CDK5RAP3: variants seen among roughly 807,000 people sequenced by gnomAD.
The protein encoded by CDK5RAP3 is CDK5 regulatory subunit associated protein 3, also known as CDK5 regulatory subunit-associated protein 3.
Under a neutral mutation model 73.3 loss-of-function variants are expected in CDK5RAP3, and 58 were observed. The observed-to-expected ratio is 0.79, with a 90% CI of 0.64 to 0.98. The LOEUF (loss-of-function observed/expected upper bound fraction) is 0.98, where lower values mean the gene tolerates loss of function less well. Ranked by LOEUF, CDK5RAP3 falls within the 50% of genes least tolerant of loss-of-function variation. The pLI, the probability that CDK5RAP3 is intolerant of heterozygous loss-of-function variation, is 0.00. For missense variants in CDK5RAP3, 525 were observed against 615.8 expected (o/e 0.85, Z 1.56); for synonymous variants, 224 against 247.5 (o/e 0.91, Z 0.89).
At position 47,977,911 on chromosome 17, in the gene CDK5RAP3, G is replaced by T; in HGVS notation, c.988+1G>T. The T allele has an allele frequency of 6.2e-7, 1 of 1,613,848 alleles. No homozygotes were observed. On this transcript the variant is annotated splice_donor_variant, in intron 10 of 13. Transcript: ENST00000338399. LOFTEE classifies it high-confidence loss of function. ...ACAGTGCTGGAAGCAGGAACCCAGG[G>T]TAAGTGCACCATCCCCTGCAGCCCT...
chr17:47,971,488 T>G, intron 2 of CDK5RAP3, 81 bp downstream of exon 2: 2 of 1,375,320 alleles, frequency 1.5e-6, no homozygotes, highest in Non-Finnish European at 2.0e-6. Context: ...CCGGGAGCTC[T>G]GACCCCTGAA....
chr17:47,968,814 C>G (rs866760339), upstream of CDK5RAP3, among the ~76,000 whole-genome samples: 13 of 152,196 alleles, frequency 8.5e-5, no homozygotes, highest in Middle Eastern at 3.4e-3. Flanking sequence ...CCGTGCCCAG[C>G]GTGTTTTTTG....
At chr17:47,975,699 TC>T in intron 7 of CDK5RAP3, 46 bp downstream of exon 7, 1 of 1,571,992 alleles carries the variant, frequency 6.4e-7, no homozygotes, top group Non-Finnish European at 8.6e-7. Flanking sequence ...TTGCCTGTGT[TC>T]CCCAGCTCAT....
chr17:47,979,986 A>G (rs1055191468), intron 11 of CDK5RAP3: 2 of 152,866 alleles, frequency 1.3e-5, no homozygotes, highest in African/African-American at 4.8e-5. Flanking sequence ...CATTCCTCCC[A>G]TGGAGACAAA....
chr17:47,975,591 TCAG>T lies in CDK5RAP3; in HGVS notation c.595_597del (p.Gln199del), dbSNP rs754607032. 6 of 1,609,488 alleles carry T rather than the reference TCAG, an allele frequency of 3.7e-6. No homozygotes were observed. In the South Asian group the frequency reaches 6.6e-5, roughly 18 times the overall value. On this transcript the variant is annotated inframe_deletion, in exon 7 of 14. Coordinates refer to ENST00000338399, the MANE Select transcript of CDK5RAP3 (RefSeq NM_176096.3). The stretch of plus-strand genomic sequence containing the variant: ...AGCTGGCTGAGATTGGGGCAGCGGC[TCAG>T]CAGTCCCTGGGGGAAGCCATTGACG...
chr17:47,970,241 AC>A (rs1355559371), upstream of CDK5RAP3, among the ~76,000 whole-genome samples: 2 of 151,776 alleles, frequency 1.3e-5, no homozygotes, highest in African/African-American at 4.8e-5. Context: ...TGGCCTTTCC[AC>A]CCTTACAGCC....
intron 12 of CDK5RAP3, 153 bp downstream of exon 12, chr17:47,980,951 G>T (rs2036538962): frequency 2.2e-6 from 2 of 893,810 alleles, no homozygotes; most frequent in South Asian, 1.7e-5. Flanking sequence ...ACAAGAGGGG[G>T]AGGTTTCACA....
intron 12 of CDK5RAP3, 32 bp downstream of exon 12, chr17:47,980,830 A>G (rs1401141044): frequency 1.9e-6 from 3 of 1,600,664 alleles, no homozygotes; most frequent in Non-Finnish European, 2.6e-6. Flanking sequence ...AGGCTCTGCC[A>G]TCTTGAGCAG....
Position 47,975,896 on chromosome 17 carries a change from G to A in CDK5RAP3, c.681G>A (p.Leu227=). 6.2e-7 allele frequency: 1 copy of A among 1,614,222 alleles called. No individual in the cohort carries two copies. Among genetic ancestry groups the A allele is most frequent in the Non-Finnish European group, 8.5e-7 (1 of 1,180,052 alleles). Residue 227 remains leucine, a synonymous_variant, in exon 8 of 14, where the codon CTG becomes CTA. Transcript: ENST00000338399. ...ESPTEQVLPM[L]RFVQKRGNST... Reference sequence around the variant, plus strand: ...CCACAGAGCAGGTGTTGCCAATGCTGCGGTTCGTGCAGAAGCGGGGAAACT... The same window carrying A: ...CCACAGAGCAGGTGTTGCCAATGCTACGGTTCGTGCAGAAGCGGGGAAACT...
chr17:47,968,148 G>A (rs2036209194), upstream of CDK5RAP3, among the ~76,000 whole-genome samples: 1 of 152,150 alleles, frequency 6.6e-6, no homozygotes, highest in Non-Finnish European at 1.5e-5. Flanking sequence ...AGTTAAGTGT[G>A]TGTTTAATCA....
At chr17:47,975,418 C>G in intron 6 of CDK5RAP3, 81 bp downstream of exon 6, 1 of 1,605,074 alleles carries the variant, frequency 6.2e-7, no homozygotes, top group Non-Finnish European at 8.5e-7. Flanking sequence ...GACCCCTCAG[C>G]CTGGTTGCAC....
At chr17:47,976,897 A>T (rs577639683) in intron 9 of CDK5RAP3, 75 bp downstream of exon 9, 1 of 1,001,136 alleles carries the variant, frequency 1.0e-6, no homozygotes, top group Admixed American at 2.5e-5. Flanking sequence ...TGTGTCTGTA[A>T]CGGCATCACT....
In CDK5RAP3 at chr17:47,973,630, C is replaced by T; in HGVS notation, c.164C>T (p.Ala55Val). Residue 55 changes from alanine (A) to valine (V), a missense_variant, in exon 3 of 14, where the codon GCC becomes GTC. Around this residue, in one of 2 missense-constraint regions of CDK5RAP3, gnomAD observed 409 missense variants for 429.8 expected, o/e 0.95. Coordinates refer to ENST00000338399, the MANE Select transcript of CDK5RAP3 (RefSeq NM_176096.3). ...IQDMPESEEI[A>V]QLLSGSYIHY... is the part of the protein sequence containing the mutation. ...GACATGCCAGAGAGCGAAGAGATCG[C>T]CCAGCTGCTGTCTGGGTCCTGTGAG... 8 of 1,614,126 alleles carry T rather than the reference C, an allele frequency of 5.0e-6. No individual in the cohort carries two copies. Among genetic ancestry groups the T allele is most frequent in the Non-Finnish European group, 6.8e-6 (8 of 1,180,018 alleles).
At position 47,978,058 on chromosome 17, in the gene CDK5RAP3, G is replaced by A. The variant is rs530184822; in HGVS notation, c.988+148G>A. 23 of 490,178 alleles carry A rather than the reference G, an allele frequency of 4.7e-5. No homozygotes were observed. In the East Asian group the frequency reaches 8.0e-4, roughly 17 times the overall value. 30.4% of individuals were successfully genotyped at this position (490,178 alleles called of 1,614,324 possible). ...CTTGATGAGGATGTGAGCTGAGGGG[G>A]ACCAAGAGAGGTTTTTTTTTTTTTT... is the stretch of plus-strand genomic sequence containing the variant. On this transcript the variant is annotated intron_variant, in intron 10 of 13. Transcript: ENST00000338399.
At chr17:47,975,801 C>A (rs1452812577) in intron 7 of CDK5RAP3, 68 bp from the exon 8 acceptor site, 1 of 1,606,130 alleles carries the variant, frequency 6.2e-7, no homozygotes, top group Non-Finnish European at 8.5e-7. Context: ...ACCATGTGGC[C>A]CAGGCCAAAG....
At chr17:47,969,574 A>G (rs1230002600), upstream of CDK5RAP3, among the ~76,000 whole-genome samples, 15 of 150,246 alleles carry the variant, frequency 1.0e-4, no homozygotes, top group Non-Finnish European at 1.6e-4. Context: ...AAAAAAAAAA[A>G]AAAAAAAAAA....
upstream of CDK5RAP3, chr17:47,971,079 A>T (rs911369653): frequency 2.6e-6 from 4 of 1,551,128 alleles, no homozygotes; most frequent in East Asian, 2.4e-5. Context: ...CTCGGCCACA[A>T]CGCCACTGGA....
At chr17:47,968,534 T>G (rs2036212190), upstream of CDK5RAP3, among the ~76,000 whole-genome samples, 1 of 152,046 alleles carries the variant, frequency 6.6e-6, no homozygotes, top group African/African-American at 2.4e-5. Flanking sequence ...TGTTTTGTTT[T>G]TGAGATGGAG....
chr17:47,968,443 T>C (rs1005271207), upstream of CDK5RAP3, among the ~76,000 whole-genome samples: 5 of 151,812 alleles, frequency 3.3e-5, no homozygotes, highest in African/African-American at 9.7e-5. Flanking sequence ...GCCTCCCGAG[T>C]AGCTGAGTAG....
Sources: gnomAD v4.1 joint callset for allele counts (sites outside exome capture counted in the v4.1 genomes callset) on GRCh38, gnomAD v4.1.1 for gene constraint, gnomAD v4.1.1 regional missense constraint, MANE v1.5 for transcripts, NCBI Gene and HGNC (gene_info 2026-07-23, HGNC 2026-07-21) for gene names.